ROCK2: variants seen among roughly 807,000 people sequenced by gnomAD.
The protein encoded by ROCK2 is Rho associated coiled-coil containing protein kinase 2.
A neutral mutation model predicts 195.1 loss-of-function variants in ROCK2; 61 were observed. That is an observed-to-expected ratio of 0.31 (90% CI 0.25 to 0.39). The LOEUF (loss-of-function observed/expected upper bound fraction) is 0.39, where lower values mean the gene tolerates loss of function less well. ROCK2 is among the 10% of genes least tolerant of loss of function. The probability of loss-of-function intolerance (pLI) is 1.00; values close to 1 mark genes in which losing one functional copy is unlikely to be tolerated. For synonymous variants in ROCK2, 504 were observed against 545.5 expected (o/e 0.92, Z 1.06); for missense variants, 1,109 against 1,637.4 (o/e 0.68, Z 5.57).
intron 16 of ROCK2, 74 bp downstream of exon 16, chr2:11,214,766 C>G (rs1253834485): frequency 1.5e-6 from 2 of 1,343,568 alleles, no homozygotes; most frequent in Non-Finnish European, 1.0e-6. Context: ...ATCCAGCACA[C>G]TATCCATCAT....
At chr2:11,286,491 C>T in intron 3 of ROCK2, 48 bp downstream of exon 3, 1 of 1,226,682 alleles carries the variant, frequency 8.2e-7, no homozygotes, top group South Asian at 1.3e-5. Context: ...TAATGCTTCA[C>T]AAAACCATGA....
chr2:11,321,055 T>C (rs1395436272), intron 1 of ROCK2, among the ~76,000 whole-genome samples: 1 of 152,178 alleles, frequency 6.6e-6, no homozygotes, highest in East Asian at 1.9e-4. Context: ...TGGAAAACCC[T>C]ACAATTCACG....
At chr2:11,329,392 C>T (rs1011888029) in intron 1 of ROCK2, among the ~76,000 whole-genome samples, 2 of 151,494 alleles carry the variant, frequency 1.3e-5, no homozygotes, top group African/African-American at 2.4e-5. Flanking sequence ...TAAAACACTA[C>T]ACCAAATATT....
Position 11,207,817 on chromosome 2 carries a change from G to T in ROCK2, c.2458C>A (p.Leu820Ile), listed in dbSNP as rs2148054121. Residue 820 changes from leucine to isoleucine, a missense_variant, in exon 20 of 33, where the codon CTA (leucine) becomes ATA (isoleucine). Coordinates refer to ENST00000315872, the MANE Select transcript of ROCK2 (RefSeq NM_004850.5). Reference protein sequence around the residue: ...LKMQTQQVNTLKMSEKQLKQE... With the variant: ...LKMQTQQVNTIKMSEKQLKQE... ...TTTAACTGCTTTTCTGACATTTTTAGTGTGTTAACCTGTTGTGTTTGCATC... is the reference window on the plus strand; with the variant it reads ...TTTAACTGCTTTTCTGACATTTTTATTGTGTTAACCTGTTGTGTTTGCATC... 1.9e-6 allele frequency: 3 copies of T among 1,612,496 alleles called. No homozygotes were observed. Among genetic ancestry groups the T allele is most frequent in the Non-Finnish European group, 2.5e-6 (3 of 1,178,960 alleles).
intron 3 of ROCK2, among the ~76,000 whole-genome samples, chr2:11,279,785 C>T (rs1471867291): frequency 1.3e-5 from 2 of 152,146 alleles, no homozygotes; most frequent in South Asian, 2.1e-4. Context: ...TTCTGGGCCA[C>T]GAAACACACC....
At chr2:11,213,345 T>C (rs1197577101) in intron 17 of ROCK2, among the ~76,000 whole-genome samples, 1 of 152,114 alleles carries the variant, frequency 6.6e-6, no homozygotes, top group East Asian at 1.9e-4. Flanking sequence ...CTTAATAGAG[T>C]ATTCGCTATC....
In ROCK2 at chr2:11,318,961, A is replaced by G. The variant is rs186052018; in HGVS notation, c.141+25035T>C. ...GGGCTCCGTTCTGTTCCATTGGTCT[A>G]TATCTCTGTTTTGGTACCAGTACCA... On this transcript the variant is annotated intron_variant, in intron 1 of 32. Transcript: ENST00000315872. Among the ~76,000 whole-genome samples the G allele has an allele frequency of 9.6e-3, 1,465 of 152,194 alleles. 12 individuals are homozygous for G. Among genetic ancestry groups the G allele is most frequent in the Non-Finnish European group, 0.014 (945 of 68,020 alleles).
At chr2:11,305,786 G>A (rs1216426232) in intron 1 of ROCK2, among the ~76,000 whole-genome samples, 2 of 152,206 alleles carry the variant, frequency 1.3e-5, no homozygotes, top group African/African-American at 4.8e-5. Context: ...CTATAGTTAT[G>A]TAAGATATAA....
At chr2:11,199,113 C>G (rs1663753424) in intron 23 of ROCK2, among the ~76,000 whole-genome samples, 1 of 151,912 alleles carries the variant, frequency 6.6e-6, no homozygotes, top group Non-Finnish European at 1.5e-5. Flanking sequence ...GTTGGTCAGG[C>G]TGGTCTCAAA....
At chr2:11,275,288 A>G (rs1666786139) in intron 3 of ROCK2, among the ~76,000 whole-genome samples, 1 of 152,106 alleles carries the variant, frequency 6.6e-6, no homozygotes, top group African/African-American at 2.4e-5. Flanking sequence ...TATAAGAACA[A>G]TTATACAATA....
At position 11,214,833 on chromosome 2, in the gene ROCK2, TCA is replaced by T. The variant is rs748509337; in HGVS notation, c.1936+5_1936+6del. On this transcript the variant is annotated splice_donor_5th_base_variant and intron_variant, in intron 16 of 32. Coordinates refer to ENST00000315872, the MANE Select transcript of ROCK2 (RefSeq NM_004850.5). ...AATTAATTCAAGTGCAACCACGACT[TCA>T]ATACCTTGTAAATCATTAATTATCT... 1.1e-5 allele frequency: 18 copies of T among 1,601,350 alleles called. No homozygotes were observed. The highest frequency in any genetic ancestry group is 1.5e-5 in the Non-Finnish European group (18 of 1,175,234).
chr2:11,186,093 T>C (rs1374612287), intron 32 of ROCK2, among the ~76,000 whole-genome samples: 1 of 152,214 alleles, frequency 6.6e-6, no homozygotes, highest in Admixed American at 6.5e-5. Flanking sequence ...TTACTCTAAT[T>C]TAAAATAAAC....
chr2:11,268,488 T>TTGTGTGTGTGTG (rs60063109), intron 3 of ROCK2, among the ~76,000 whole-genome samples: 12 of 149,764 alleles, frequency 8.0e-5, no homozygotes, highest in African/African-American at 2.2e-4. Context: ...GTTTTTTTCC[T>TTGTGTGTGTGTG]TGTGTGTGTG....
In ROCK2 at chr2:11,235,633, C is replaced by A; in HGVS notation, c.723+69G>T. 1 of 1,482,846 alleles carries A rather than the reference C, an allele frequency of 6.7e-7. No homozygotes were observed. The highest frequency in any genetic ancestry group is 9.1e-7 in the Non-Finnish European group (1 of 1,098,508). 91.9% of individuals were successfully genotyped at this position (1,482,846 alleles called of 1,614,324 possible). A position where few individuals can be genotyped will look rare whatever the true frequency, so the allele number is the denominator to read the frequency against. ...TACCTTTGTTCAAAACTATGAAGAC[C>A]TGACTTAAAGTATTTCATTTATTTC... On this transcript the variant is annotated intron_variant, in intron 5 of 32. Coordinates refer to ENST00000315872, the MANE Select transcript of ROCK2 (RefSeq NM_004850.5). The surrounding 1 kb of genome is among the most constrained non-coding windows in gnomAD (Gnocchi z 4.2).
At chr2:11,253,825 T>C (rs1286784291) in intron 3 of ROCK2, among the ~76,000 whole-genome samples, 13 of 152,246 alleles carry the variant, frequency 8.5e-5, no homozygotes, top group Non-Finnish European at 7.3e-5. Context: ...TCAAATACTA[T>C]CCACATGTAC....
At chr2:11,329,565 T>C (rs1212194188) in intron 1 of ROCK2, among the ~76,000 whole-genome samples, 1 of 152,040 alleles carries the variant, frequency 6.6e-6, no homozygotes, top group Non-Finnish European at 1.5e-5. Context: ...TGTACTAGAG[T>C]TTCCTTTTAT....
At chr2:11,295,996 A>G (rs1450900540) in intron 1 of ROCK2, among the ~76,000 whole-genome samples, 13 of 35,510 alleles carry the variant, frequency 3.7e-4, no homozygotes, top group Non-Finnish European at 6.2e-4. Context: ...GAGAGGAGAG[A>G]GAGAGAGAGG....
chr2:11,260,919 T>C (rs1666204621), intron 3 of ROCK2, among the ~76,000 whole-genome samples: 1 of 152,254 alleles, frequency 6.6e-6, no homozygotes, highest in Admixed American at 6.5e-5. Flanking sequence ...CCCCTCTATG[T>C]GTTTCCATAG....
chr2:11,286,524 A>T lies in ROCK2; in HGVS notation c.324+15T>A, dbSNP rs746015373. 6.6e-7 allele frequency: 1 copy of T among 1,513,222 alleles called. No individual in the cohort carries two copies. Among genetic ancestry groups the T allele is most frequent in the South Asian group, 1.1e-5 (1 of 88,724 alleles). The allele number at this position is 1,513,222 out of a possible 1,614,324, so 93.7% of individuals were successfully genotyped here. On this transcript the variant is annotated intron_variant, in intron 3 of 32. Coordinates refer to ENST00000315872, the MANE Select transcript of ROCK2 (RefSeq NM_004850.5). ...TGATGTCATAGAGAACAATAAGAAC[A>T]AAACACTTTCTTACCAACTGCACTT...
Sources: gnomAD v4.1 joint callset for allele counts (sites outside exome capture counted in the v4.1 genomes callset) on GRCh38, gnomAD v4.1.1 for gene constraint, Gnocchi (gnomAD v3.1) non-coding constraint, MANE v1.5 for transcripts, NCBI Gene and HGNC (gene_info 2026-07-23, HGNC 2026-07-21) for gene names.